STT3B: variants seen among roughly 807,000 people sequenced by gnomAD.
STT3B encodes the protein STT3 oligosaccharyltransferase complex catalytic subunit B, also known as dolichyl-diphosphooligosaccharide--protein glycosyltransferase subunit STT3B.
STT3B carries 29 observed loss-of-function variants against 96.8 expected under a neutral mutation model. That is an observed-to-expected ratio of 0.30 (90% CI 0.22 to 0.41). The LOEUF is 0.41. Ranked by LOEUF, STT3B falls within the 10% of genes least tolerant of loss-of-function variation. STT3B has a pLI of 1.00. For synonymous variants in STT3B, 367 were observed against 360.0 expected (o/e 1.02, Z -0.22); for missense variants, 640 against 1,022.3 (o/e 0.63, Z 5.10).
chr3:31,594,673 G>T (rs1012427308), intron 3 of STT3B, among the ~76,000 whole-genome samples: 2 of 151,936 alleles, frequency 1.3e-5, no homozygotes, highest in African/African-American at 4.8e-5. Context: ...ACCTGACTCG[G>T]CCTCCCAAAG....
intron 3 of STT3B, among the ~76,000 whole-genome samples, chr3:31,585,463 T>C (rs969673296): frequency 4.6e-5 from 7 of 152,148 alleles, no homozygotes; most frequent in Non-Finnish European, 1.0e-4. Flanking sequence ...ATGTTTGTTA[T>C]TATTTACGAG....
intron 3 of STT3B, among the ~76,000 whole-genome samples, chr3:31,589,743 T>C (rs888196555): frequency 6.6e-6 from 1 of 152,032 alleles, no homozygotes; most frequent in African/African-American, 2.4e-5. Flanking sequence ...CTTTTTAGAT[T>C]CCTTAGGATT....
At chr3:31,584,019 C>T (rs975180226) in intron 3 of STT3B, among the ~76,000 whole-genome samples, 7 of 152,122 alleles carry the variant, frequency 4.6e-5, no homozygotes, top group Admixed American at 6.5e-5. Flanking sequence ...AAGACTTACA[C>T]CTCTGTTTCC....
At position 31,606,300 on chromosome 3, in the gene STT3B, A is replaced by G. The variant is rs1285814737; in HGVS notation, c.877+5841A>G. Among the ~76,000 whole-genome samples the G allele has an allele frequency of 2.0e-5, 3 of 152,200 alleles. No individual in the cohort carries two copies. In the East Asian group the frequency reaches 5.8e-4, roughly 29 times the overall value. On this transcript the variant is annotated intron_variant, in intron 5 of 15. Transcript: ENST00000295770. ...TAACAAAGAGCCAACTGTTAATGCC[A>G]AGACAGTGGGGGAAATGTCTCCAGG...
At chr3:31,539,182 CTT>C (rs1697171071) in intron 1 of STT3B, among the ~76,000 whole-genome samples, 1 of 152,084 alleles carries the variant, frequency 6.6e-6, no homozygotes, top group South Asian at 2.1e-4. Context: ...GTGAATGCCT[CTT>C]TATGTTGTTC....
intron 5 of STT3B, among the ~76,000 whole-genome samples, chr3:31,610,979 C>G (rs553158680): frequency 6.6e-6 from 1 of 152,112 alleles, no homozygotes; most frequent in South Asian, 2.1e-4. Flanking sequence ...TAGAGCTCAC[C>G]ACTTTGATGG....
chr3:31,591,124 G>T (rs1183292307), intron 3 of STT3B, among the ~76,000 whole-genome samples: 1 of 151,918 alleles, frequency 6.6e-6, no homozygotes, highest in African/African-American at 2.4e-5. Flanking sequence ...AGTTCTGTTA[G>T]TTCCTGCTTT....
chr3:31,605,771 C>T (rs1436064845), intron 5 of STT3B, among the ~76,000 whole-genome samples: 2 of 152,072 alleles, frequency 1.3e-5, no homozygotes, highest in Non-Finnish European at 2.9e-5. Context: ...AAAAGATACC[C>T]GAAAATGTGG....
chr3:31,622,386 T>C, intron 10 of STT3B, 78 bp downstream of exon 10: 1 of 1,181,360 alleles, frequency 8.5e-7, no homozygotes, highest in Non-Finnish European at 1.2e-6. Flanking sequence ...ACTATACATA[T>C]CAAGAAATGT....
intron 5 of STT3B, among the ~76,000 whole-genome samples, chr3:31,613,265 A>G (rs1424010202): frequency 6.6e-6 from 1 of 152,074 alleles, no homozygotes; most frequent in African/African-American, 2.4e-5. Flanking sequence ...ATCATTTCTT[A>G]TATTAAACCT....
chr3:31,544,205 G>A (rs1697347835), intron 1 of STT3B, among the ~76,000 whole-genome samples: 2 of 152,096 alleles, frequency 1.3e-5, no homozygotes, highest in Non-Finnish European at 2.9e-5. Flanking sequence ...TAATTAATAT[G>A]CAAATTAAGC....
chr3:31,590,402 A>T (rs779190536), intron 3 of STT3B, among the ~76,000 whole-genome samples: 11 of 151,606 alleles, frequency 7.3e-5, no homozygotes, highest in Non-Finnish European at 1.6e-4. Context: ...CTCCATTTCT[A>T]CTTTTCTAGT....
At chr3:31,545,948 T>C (rs1409240384) in intron 1 of STT3B, among the ~76,000 whole-genome samples, 2 of 152,086 alleles carry the variant, frequency 1.3e-5, no homozygotes, top group Non-Finnish European at 2.9e-5. Flanking sequence ...AATATATTGC[T>C]AATTTTTGCT....
At chr3:31,543,600 TGTCA>T (rs1351516703) in intron 1 of STT3B, among the ~76,000 whole-genome samples, 1 of 152,206 alleles carries the variant, frequency 6.6e-6, no homozygotes, top group Non-Finnish European at 1.5e-5. Flanking sequence ...TTGACTGTGA[TGTCA>T]GTAAGATCAC....
chr3:31,549,836 A>G (rs1341890279), intron 1 of STT3B, among the ~76,000 whole-genome samples: 2 of 152,186 alleles, frequency 1.3e-5, no homozygotes, highest in Non-Finnish European at 2.9e-5. Context: ...TGCGTGCGTT[A>G]TATAAAGAGA....
chr3:31,622,692 A>T (rs938669065), intron 10 of STT3B, among the ~76,000 whole-genome samples: 2 of 152,190 alleles, frequency 1.3e-5, no homozygotes, highest in Admixed American at 6.5e-5. Context: ...TGAGGTCCAT[A>T]CTCAGTGCAT....
intron 2 of STT3B, among the ~76,000 whole-genome samples, chr3:31,579,504 AGTTAGTGGG>A (rs1698336848): frequency 7.3e-6 from 1 of 136,568 alleles, no homozygotes; most frequent in African/African-American, 2.6e-5. Flanking sequence ...AAAAAAAAAA[AGTTAGTGGG>A]ATCAGTAAAA....
intron 1 of STT3B, among the ~76,000 whole-genome samples, chr3:31,538,839 T>G (rs983248250): frequency 2.6e-5 from 4 of 152,130 alleles, no homozygotes; most frequent in African/African-American, 9.7e-5. Flanking sequence ...AACCAGTAAC[T>G]CTTCTGAGAA....
intron 11 of STT3B, among the ~76,000 whole-genome samples, chr3:31,624,655 CT>C (rs1699494897): frequency 6.8e-6 from 1 of 147,282 alleles, no homozygotes; most frequent in Admixed American, 6.8e-5. Context: ...CCCAGAACTA[CT>C]GAATCAGAAT....
Sources: gnomAD v4.1 joint callset for allele counts (sites outside exome capture counted in the v4.1 genomes callset) on GRCh38, gnomAD v4.1.1 for gene constraint, MANE v1.5 for transcripts, NCBI Gene and HGNC (gene_info 2026-07-23, HGNC 2026-07-21) for gene names.